DLGAP1: variants seen among roughly 807,000 people sequenced by gnomAD.
DLGAP1 encodes disks large-associated protein 1.
Under a neutral mutation model 90.8 loss-of-function variants are expected in DLGAP1, and 11 were observed. That is an observed-to-expected ratio of 0.12 (90% CI 0.08 to 0.20). The LOEUF (loss-of-function observed/expected upper bound fraction) is 0.20. Ranked by LOEUF, DLGAP1 falls within the 10% of genes least tolerant of loss-of-function variation. The pLI, the probability that DLGAP1 is intolerant of heterozygous loss-of-function variation, is 1.00. For synonymous variants in DLGAP1, 558 were observed against 540.7 expected, an observed-to-expected ratio of 1.03 and a Z score of -0.44; for missense variants, 1,050 against 1,333.8, an observed-to-expected ratio of 0.79 and a Z score of 3.31.
chr18:3,543,719 T>C (rs928130647), intron 9 of DLGAP1, among the ~76,000 whole-genome samples: 3 of 152,114 alleles, frequency 2.0e-5, no homozygotes, highest in African/African-American at 4.8e-5. Flanking sequence ...ATCACTGAGA[T>C]ATGGGAAACA....
intron 7 of DLGAP1, among the ~76,000 whole-genome samples, chr18:3,628,241 G>C (rs974277420): frequency 2.0e-5 from 3 of 148,330 alleles, no homozygotes; most frequent in African/African-American, 5.0e-5. Context: ...CTAGGCTGGA[G>C]TGCAGTGGTG....
intron 7 of DLGAP1, among the ~76,000 whole-genome samples, chr18:3,702,155 G>A (rs1427995790): frequency 3.9e-5 from 6 of 152,048 alleles, no homozygotes; most frequent in Admixed American, 6.6e-5. Flanking sequence ...GGGTTCAAGC[G>A]ATTCTCCTGC....
chr18:3,842,066 C>T (rs2068745679), intron 4 of DLGAP1, among the ~76,000 whole-genome samples: 1 of 131,528 alleles, frequency 7.6e-6, no homozygotes, highest in Admixed American at 9.0e-5. Context: ...TTAGATGAGA[C>T]TGGAAAGTTG....
intron 1 of DLGAP1, among the ~76,000 whole-genome samples, chr18:4,427,301 G>A (rs2083179160): frequency 6.6e-6 from 1 of 152,196 alleles, no homozygotes; most frequent in East Asian, 1.9e-4. Context: ...AAGGTTGGAG[G>A]TGGAGTTGGG....
chr18:4,171,314 T>C (rs2077020650), intron 1 of DLGAP1, among the ~76,000 whole-genome samples: 1 of 152,060 alleles, frequency 6.6e-6, no homozygotes, highest in South Asian at 2.1e-4. Flanking sequence ...GGCAGGCAGA[T>C]CACGAGGTCA....
At chr18:3,580,228 G>A in intron 8 of DLGAP1, 1 of 1,600,306 alleles carries the variant, frequency 6.2e-7, no homozygotes. Flanking sequence ...ATTCCCCTCA[G>A]GTGAACCATC....
At chr18:3,513,183 G>A (rs1028708402) in intron 10 of DLGAP1, among the ~76,000 whole-genome samples, 7 of 152,190 alleles carry the variant, frequency 4.6e-5, no homozygotes, top group Admixed American at 1.3e-4. Context: ...GCTCATCCAT[G>A]TTGTTGCATA....
chr18:3,693,477 A>G (rs2060970689), intron 7 of DLGAP1, among the ~76,000 whole-genome samples: 2 of 152,258 alleles, frequency 1.3e-5, no homozygotes, highest in East Asian at 1.9e-4. Context: ...ATATTTAATT[A>G]TACTGCATGG....
At chr18:3,743,555 A>C (rs897180205) in intron 5 of DLGAP1, among the ~76,000 whole-genome samples, 1 of 151,788 alleles carries the variant, frequency 6.6e-6, no homozygotes, top group Non-Finnish European at 1.5e-5. Flanking sequence ...GGGGTTTCAC[A>C]GTGTTATCCA....
intron 1 of DLGAP1, among the ~76,000 whole-genome samples, chr18:4,392,820 T>C (rs1007086955): frequency 5.3e-5 from 8 of 152,148 alleles, no homozygotes; most frequent in African/African-American, 1.9e-4. Context: ...ATGAGCAAAA[T>C]AAAACACTTG....
At chr18:4,017,879 G>T (rs2074548754) in intron 2 of DLGAP1, among the ~76,000 whole-genome samples, 1 of 151,300 alleles carries the variant, frequency 6.6e-6, no homozygotes, top group Non-Finnish European at 1.5e-5. Context: ...CCAGAAAGTT[G>T]GTCAATGGAG....
At chr18:3,827,720 A>G (rs578023299) in intron 4 of DLGAP1, among the ~76,000 whole-genome samples, 1 of 152,254 alleles carries the variant, frequency 6.6e-6, no homozygotes, top group South Asian at 2.1e-4. Flanking sequence ...GAAATACTTA[A>G]CCTTTTGGCA....
chr18:3,889,754 G>T (rs2148853543), intron 3 of DLGAP1, among the ~76,000 whole-genome samples: 1 of 152,274 alleles, frequency 6.6e-6, no homozygotes, highest in Middle Eastern at 3.4e-3. Flanking sequence ...AAATCTAGGT[G>T]GGGATGTTCC....
In DLGAP1 at chr18:3,498,023, C is replaced by G. The variant is rs2049750821; in HGVS notation, c.*1162G>C. 1 of 152,210 alleles carries G rather than the reference C, an allele frequency of 6.6e-6. No homozygotes were observed. The highest frequency in any genetic ancestry group is 1.5e-5 in the Non-Finnish European group (1 of 68,058). 9.4% of individuals were successfully genotyped at this position (152,210 alleles called of 1,614,324 possible). ...ATCCTATGCTAGGTATTACTGGACT[C>G]TGCAGTAGTGAGAGGAGATGAAAGG... On this transcript the variant is annotated 3_prime_UTR_variant, in exon 13 of 13. Transcript: ENST00000315677.
At chr18:4,187,517 A>G (rs533926742) in intron 1 of DLGAP1, among the ~76,000 whole-genome samples, 6 of 152,280 alleles carry the variant, frequency 3.9e-5, no homozygotes, top group African/African-American at 1.2e-4. Context: ...TGCCTTTTCA[A>G]TTCTTAGTAC....
intron 4 of DLGAP1, among the ~76,000 whole-genome samples, chr18:3,859,668 G>A (rs1333084572): frequency 6.6e-6 from 1 of 152,104 alleles, no homozygotes; most frequent in Admixed American, 6.5e-5. Flanking sequence ...AATGTAGGTG[G>A]CTTCTAGAAG....
intron 2 of DLGAP1, among the ~76,000 whole-genome samples, chr18:4,035,478 T>C (rs1244493761): frequency 6.6e-6 from 1 of 152,184 alleles, no homozygotes; most frequent in Non-Finnish European, 1.5e-5. Context: ...ATGTTTCACA[T>C]TCCATGGCTA....
intron 2 of DLGAP1, among the ~76,000 whole-genome samples, chr18:4,009,915 A>G (rs2074383733): frequency 1.3e-5 from 2 of 152,232 alleles, no homozygotes; most frequent in African/African-American, 4.8e-5. Flanking sequence ...AAAGGTTAGA[A>G]GGATTCTTAG....
intron 3 of DLGAP1, 96 bp from the exon 4 acceptor site, chr18:3,880,236 T>C (rs2148826465): frequency 1.5e-6 from 1 of 652,772 alleles, no homozygotes; most frequent in Admixed American, 2.8e-5. Flanking sequence ...CAGGCTAGAG[T>C]GCACAGGCGC....
Sources: gnomAD v4.1 joint callset for allele counts (sites outside exome capture counted in the v4.1 genomes callset) on GRCh38, gnomAD v4.1.1 for gene constraint, MANE v1.5 for transcripts, NCBI Gene and HGNC (gene_info 2026-07-23, HGNC 2026-07-21) for gene names.